Variants in SHISA5 observed in about 807,000 individuals in gnomAD.
SHISA5 encodes protein shisa-5.
SHISA5 carries 21 observed loss-of-function variants against 27.5 expected under a neutral mutation model. The ratio of observed to expected loss-of-function variants is 0.76; its 90% confidence interval spans 0.54 to 1.10. The LOEUF (loss-of-function observed/expected upper bound fraction) is 1.10, where lower values mean the gene tolerates loss of function less well. Among genes scored for constraint, SHISA5 ranks in the 50% least tolerant of loss-of-function variants. SHISA5 has a pLI of 0.00. For missense variants in SHISA5, 314 were observed against 336.3 expected, an observed-to-expected ratio of 0.93 and a Z score of 0.52; for synonymous variants, 137 against 142.2, an observed-to-expected ratio of 0.96 and a Z score of 0.26.
chr3:48,500,582 A>C (rs1360777358), intron 2 of SHISA5, among the ~76,000 whole-genome samples: 1 of 152,130 alleles, frequency 6.6e-6, no homozygotes, highest in Non-Finnish European at 1.5e-5. Context: ...GGAAATACAG[A>C]ATACGGCAAA....
At chr3:48,483,676 C>T (rs868306404) in intron 2 of SHISA5, among the ~76,000 whole-genome samples, 2 of 150,806 alleles carry the variant, frequency 1.3e-5, no homozygotes, top group African/African-American at 4.9e-5. Flanking sequence ...CGGGCAGAGG[C>T]GCCCCTCACC....
chr3:48,479,512 C>CAGAT (rs2040933961), intron 2 of SHISA5: 1 of 523,390 alleles, frequency 1.9e-6, no homozygotes, highest in Non-Finnish European at 3.4e-6. Flanking sequence ...TTTTAGAAGA[C>CAGAT]AGATACCATA....
intron 2 of SHISA5, among the ~76,000 whole-genome samples, chr3:48,493,014 A>G (rs974496493): frequency 6.8e-6 from 1 of 147,820 alleles, no homozygotes; most frequent in Admixed American, 6.6e-5. Context: ...AGCAGTCTGA[A>G]TGGACTAAAA....
intron 2 of SHISA5, among the ~76,000 whole-genome samples, chr3:48,500,395 G>A (rs887233643): frequency 1.3e-5 from 2 of 152,174 alleles, no homozygotes; most frequent in Admixed American, 1.3e-4. Flanking sequence ...GCTGAGGGAG[G>A]AGGATGGCTT....
chr3:48,469,679 T>C lies in SHISA5; in HGVS notation c.430+49A>G, dbSNP rs3135956. 12,171 of 1,609,980 alleles carry C rather than the reference T, an allele frequency of 7.6e-3. 585 individuals carry two copies. In the African/African-American group the frequency reaches 0.12, roughly 16 times the overall value. ...TAGCCAAAGCAGGGCCTGGTCAGCT[T>C]CCCTTACCACCCCAGGGGGTCACAG... On this transcript the variant is annotated intron_variant, in intron 4 of 5. Transcript: ENST00000296444. The surrounding 1 kb of genome is among the most constrained non-coding windows in gnomAD (Gnocchi z 4.6).
chr3:48,483,258 T>C (rs1489511349), intron 2 of SHISA5, among the ~76,000 whole-genome samples: 3 of 152,054 alleles, frequency 2.0e-5, no homozygotes, highest in African/African-American at 7.2e-5. Context: ...TTTGTGTCCC[T>C]GGGTACTTGA....
intron 2 of SHISA5, among the ~76,000 whole-genome samples, chr3:48,496,567 C>A (rs2041558572): frequency 6.6e-6 from 1 of 150,692 alleles, no homozygotes; most frequent in Admixed American, 6.6e-5. Context: ...CCCGTCTCTA[C>A]TAAAAATACA....
intron 3 of SHISA5, among the ~76,000 whole-genome samples, chr3:48,474,378 C>A (rs531824273): frequency 1.3e-5 from 2 of 151,658 alleles, no homozygotes; most frequent in Admixed American, 1.3e-4. Flanking sequence ...CTCTGTCACC[C>A]AGGCTGGAGT....
At position 48,471,446 on chromosome 3, in the gene SHISA5, TCAGGAGGCTGAGG is replaced by T. The variant is rs2040611036; in HGVS notation, c.315-1616_315-1604del. 4.7e-5 allele frequency among the ~76,000 whole-genome samples: 7 copies of T among 149,688 alleles called. No individual in the cohort carries two copies. In the South Asian group the frequency reaches 1.3e-3, roughly 27 times the overall value. ...AAAATTAGCCGGTAGTCCCAACTAC[TCAGGAGGCTGAGG>T]CAGGAGAATCGCTTGAACCCAGGAG... is the stretch of plus-strand genomic sequence containing the variant. On this transcript the variant is annotated intron_variant, in intron 3 of 5. Coordinates refer to ENST00000296444, the MANE Select transcript of SHISA5 (RefSeq NM_016479.6).
At chr3:48,479,812 C>T (rs983362475) in intron 2 of SHISA5, among the ~76,000 whole-genome samples, 11 of 152,062 alleles carry the variant, frequency 7.2e-5, no homozygotes, top group Non-Finnish European at 1.6e-4. Context: ...AGGCTGGTCT[C>T]GAACTCCTGA....
At chr3:48,494,806 A>G (rs1480392687) in intron 2 of SHISA5, among the ~76,000 whole-genome samples, 3 of 147,066 alleles carry the variant, frequency 2.0e-5, no homozygotes, top group African/African-American at 5.4e-5. Context: ...GATCATATGC[A>G]CATGGTAGCT....
At chr3:48,481,601 C>T (rs186331677) in intron 2 of SHISA5, among the ~76,000 whole-genome samples, 3,072 of 146,216 alleles carry the variant, frequency 0.021, 44 homozygotes, top group Non-Finnish European at 0.027. Context: ...CCAGCCTGGC[C>T]AACGTGGCGA....
chr3:48,473,161 A>C lies in SHISA5; in HGVS notation c.315-3318T>G. On this transcript the variant is annotated intron_variant, in intron 3 of 5. Transcript: ENST00000296444. The surrounding 1 kb of genome is among the most constrained non-coding windows in gnomAD (Gnocchi z 4.3). ...ATGACGTCAGCCACAGGAAGCACAGACGCGAAGCCCCGTTCCACCCTCTTA... is the reference window on the plus strand; with the variant it reads ...ATGACGTCAGCCACAGGAAGCACAGCCGCGAAGCCCCGTTCCACCCTCTTA... 1 of 1,446,864 alleles carries C rather than the reference A, an allele frequency of 6.9e-7. No homozygotes were observed. The highest frequency in any genetic ancestry group is 1.4e-5 in the South Asian group (1 of 70,052). The allele number at this position is 1,446,864 out of a possible 1,614,324, so 89.6% of individuals were successfully genotyped here. A position where few individuals can be genotyped will look rare whatever the true frequency, so the allele number is the denominator to read the frequency against.
chr3:48,478,788 G>T (rs1008276807), intron 3 of SHISA5, among the ~76,000 whole-genome samples: 2 of 152,022 alleles, frequency 1.3e-5, no homozygotes, highest in African/African-American at 2.4e-5. Flanking sequence ...CATCACCATT[G>T]TCACCAATGC....
In SHISA5 at chr3:48,504,006, A is replaced by G; in HGVS notation, c.76+13T>C. The stretch of plus-strand genomic sequence containing the variant: ...TCCCAGGGCAGGACGGGCCGCCCCC[A>G]CCCCCGGCTCACCACCCGGAGGCGG... On this transcript the variant is annotated intron_variant, in intron 1 of 5. Transcript: ENST00000296444. This position sits in a 1 kb window ranked among gnomAD's most constrained non-coding sequence, Gnocchi z 4.0. The G allele has an allele frequency of 6.8e-7, 1 of 1,459,876 alleles. No individual in the cohort carries two copies. Among genetic ancestry groups the G allele is most frequent in the Non-Finnish European group, 9.1e-7 (1 of 1,102,654 alleles). The allele number at this position is 1,459,876 out of a possible 1,614,324, so 90.4% of individuals were successfully genotyped here.
chr3:48,467,904 G>C lies in SHISA5; in HGVS notation c.*1203C>G, dbSNP rs1248146978. The C allele has an allele frequency of 2.2e-6, 1 of 448,806 alleles. No individual in the cohort carries two copies. Among genetic ancestry groups the C allele is most frequent in the Non-Finnish European group, 4.0e-6 (1 of 250,192 alleles). 27.8% of individuals were successfully genotyped at this position (448,806 alleles called of 1,614,324 possible). A position where few individuals can be genotyped will look rare whatever the true frequency, so the allele number is the denominator to read the frequency against. ...AAACGATTGCATTTATTATAAACAA[G>C]TGTACAGACCCTAGACTCAGAAACA... is the stretch of plus-strand genomic sequence containing the variant. On this transcript the variant is annotated 3_prime_UTR_variant, in exon 6 of 6. Transcript: ENST00000296444.
intron 2 of SHISA5, among the ~76,000 whole-genome samples, chr3:48,480,613 G>A (rs2040976905): frequency 6.6e-6 from 1 of 152,050 alleles, no homozygotes; most frequent in South Asian, 2.1e-4. Context: ...ACAAAAATTA[G>A]CCGGGCTCAG....
intron 2 of SHISA5, among the ~76,000 whole-genome samples, chr3:48,488,766 G>A (rs7644771): frequency 0.085 from 12,781 of 149,814 alleles, 1,003 homozygotes; most frequent in African/African-American, 0.21. Flanking sequence ...CCGGGAGGTG[G>A]AGGTTGCGGT....
At chr3:48,489,867 C>T (rs2041370623) in intron 2 of SHISA5, among the ~76,000 whole-genome samples, 1 of 151,886 alleles carries the variant, frequency 6.6e-6, no homozygotes, top group Non-Finnish European at 1.5e-5. Context: ...TGGGCTCAAG[C>T]AATCCTCCCA....
Sources: gnomAD v4.1 joint callset for allele counts (sites outside exome capture counted in the v4.1 genomes callset) on GRCh38, gnomAD v4.1.1 for gene constraint, Gnocchi (gnomAD v3.1) non-coding constraint, MANE v1.5 for transcripts, NCBI Gene and HGNC (gene_info 2026-07-23, HGNC 2026-07-21) for gene names.